RHBG: variants seen among roughly 807,000 people sequenced by gnomAD.
RHBG encodes ammonium transporter Rh type B.
Under a neutral mutation model 40.1 loss-of-function variants are expected in RHBG, and 39 were observed. The observed-to-expected ratio is 0.97, with a 90% CI of 0.75 to 1.27. The LOEUF is 1.27. RHBG is among the 50% of genes most tolerant of loss of function. RHBG has a pLI of 0.00. For synonymous variants in RHBG, 237 were observed against 252.5 expected (o/e 0.94, Z 0.58); for missense variants, 549 against 588.1 (o/e 0.93, Z 0.69).
In RHBG at chr1:156,378,824, C is replaced by T. The variant is rs74116826; in HGVS notation, c.673+425C>T. On this transcript the variant is annotated intron_variant, in intron 4 of 9. Transcript: ENST00000537040. ...GGCAAACAGGCAATCTCTGCCGGCC[C>T]CTGGTGCTGCCTTCCGCCTCCTAAG... Among the ~76,000 whole-genome samples the T allele has an allele frequency of 5.8e-3, 878 of 152,168 alleles. 8 individuals carry two copies. Among genetic ancestry groups the T allele is most frequent in the African/African-American group, 0.02 (844 of 41,478 alleles).
chr1:156,382,097 A>G lies in RHBG; in HGVS notation c.1008A>G (p.Gln336=). The change falls in exon 7 of 10, where the codon CAA becomes CAG. Residue 336 remains glutamine, a synonymous_variant. Coordinates refer to ENST00000537040, the MANE Select transcript of RHBG (RefSeq NM_020407.5). ...TPILESKFKV[Q]DTCGVHNLHG... ...TCCTTGAATCAAAATTCAAAGTCCA[A>G]GACACATGTGGAGTCCACAACCTCC... 6.2e-7 allele frequency: 1 copy of G among 1,612,784 alleles called. No homozygotes were observed. The highest frequency in any genetic ancestry group is 8.5e-7 in the Non-Finnish European group (1 of 1,179,078).
intron 7 of RHBG, 38 bp from the exon 8 acceptor site, chr1:156,382,710 C>T (rs1484997647): frequency 6.2e-7 from 1 of 1,612,644 alleles, no homozygotes; most frequent in Non-Finnish European, 8.5e-7. Flanking sequence ...CCCTCTCTCT[C>T]CCTACCCCTG....
intron 4 of RHBG, among the ~76,000 whole-genome samples, chr1:156,380,112 C>CTTT (rs67037881): frequency 7.7e-5 from 10 of 130,108 alleles, no homozygotes; most frequent in South Asian, 2.5e-4. Context: ...CTTTCTTTTT[C>CTTT]TTTTTTTTTT....
chr1:156,383,068 C>G (rs986468284), intron 8 of RHBG, among the ~76,000 whole-genome samples, 199 bp downstream of exon 8: 1 of 152,212 alleles, frequency 6.6e-6, no homozygotes, highest in African/African-American at 2.4e-5. Flanking sequence ...CCGAGGGCAG[C>G]TGGGGAGTCC....
At chr1:156,371,389 AC>A in intron 1 of RHBG, 1 of 303,648 alleles carries the variant, frequency 3.3e-6, no homozygotes, top group South Asian at 2.6e-5. Flanking sequence ...TGAATTCCTG[AC>A]CTCAGGTGAT....
Position 156,378,101 on chromosome 1 carries a change from G to A in RHBG, c.486G>A (p.Leu162=). The A allele has an allele frequency of 1.3e-6, 2 of 1,591,754 alleles. No individual in the cohort carries two copies. The highest frequency in any genetic ancestry group is 1.7e-6 in the Non-Finnish European group (2 of 1,167,110). ...TCATGGCCCTGCTGGAGGTGGTGCT[G>A]TTTGGCATCAATGAGTTTGTGCTCC... is the stretch of plus-strand genomic sequence containing the variant. The part of the protein sequence containing the change: ...LLLMALLEVV[L]FGINEFVLLH... The change falls in exon 3 of 10, where the codon CTG becomes CTA. Residue 162 remains leucine (L), a synonymous_variant. Transcript: ENST00000537040.
At chr1:156,381,221 A>C (rs568598111) in intron 4 of RHBG, 126 bp from the exon 5 acceptor site, 49 of 998,476 alleles carry the variant, frequency 4.9e-5, no homozygotes, top group Non-Finnish European at 1.8e-5. Context: ...ATTATTATCA[A>C]TCCCACTGAA....
intron 9 of RHBG, 48 bp downstream of exon 9, chr1:156,384,648 C>G (rs1157702846): frequency 6.5e-7 from 1 of 1,549,146 alleles, no homozygotes. Flanking sequence ...CCTTCCCTGC[C>G]TCGCCTCCTG....
At chr1:156,382,658 G>A in intron 7 of RHBG, 90 bp from the exon 8 acceptor site, 1 of 1,506,212 alleles carries the variant, frequency 6.6e-7, no homozygotes, top group South Asian at 1.2e-5. Context: ...GTTCCCCAGT[G>A]TGAGTTCCAG....
chr1:156,381,452 C>T lies in RHBG; in HGVS notation c.779C>T (p.Ala260Val). The change falls in exon 5 of 10, where the codon GCC becomes GTC. Residue 260 changes from alanine to valine, a missense_variant. Around this residue, in one of 3 missense-constraint regions of RHBG, gnomAD observed 399 missense variants for 417.0 expected, o/e 0.96. Transcript: ENST00000537040. The part of the protein sequence containing the change: ...TALNTYYSLA[A>V]STLGTFALSA... ...CTCAACACATACTACTCCCTGGCTGCCAGCACCCTTGGCACCTTTGCCTTG... is the reference window on the plus strand; with the variant it reads ...CTCAACACATACTACTCCCTGGCTGTCAGCACCCTTGGCACCTTTGCCTTG... 6.2e-7 allele frequency: 1 copy of T among 1,614,044 alleles called. No individual in the cohort carries two copies. Among genetic ancestry groups the T allele is most frequent in the Non-Finnish European group, 8.5e-7 (1 of 1,179,956 alleles).
In RHBG at chr1:156,369,265, A is replaced by T; in HGVS notation, c.16A>T (p.Ser6Cys). 1.2e-6 allele frequency: 2 copies of T among 1,613,126 alleles called. No homozygotes were observed. Among genetic ancestry groups the T allele is most frequent in the Non-Finnish European group, 1.7e-6 (2 of 1,179,846 alleles). MAGSP[S>C]RAAGRRLQLP... ...AGCCCAACCCATGGCCGGGTCTCCT[A>T]GCCGCGCCGCGGGCCGGCGACTGCA... The change falls in exon 1 of 10, where the codon AGC becomes TGC. Residue 6 changes from serine (S) to cysteine (C), a missense_variant. Around this residue, in one of 3 missense-constraint regions of RHBG, gnomAD observed 99 missense variants for 85.2 expected, o/e 1.16. Transcript: ENST00000537040.
At chr1:156,371,587 G>A (rs558606224) in intron 1 of RHBG, 1 of 155,640 alleles carries the variant, frequency 6.4e-6, no homozygotes, top group African/African-American at 2.4e-5. Context: ...TTGGACTTGG[G>A]TGTGAAGCAC....
rs769418262 is a variant in RHBG at position 156,378,410 on chromosome 1, C to T, written c.673+11C>T. 7 of 1,583,440 alleles carry T rather than the reference C, an allele frequency of 4.4e-6. No homozygotes were observed. Among genetic ancestry groups the T allele is most frequent in the South Asian group, 3.5e-5 (3 of 85,876 alleles). The stretch of plus-strand genomic sequence containing the variant: ...TCTTCGCCATGATTGGTGAGGCCTT[C>T]GAGGTGCGGTAGCAGGGCAGGGGGC... On this transcript the variant is annotated intron_variant, in intron 4 of 9. Coordinates refer to ENST00000537040, the MANE Select transcript of RHBG (RefSeq NM_020407.5).
chr1:156,374,144 T>G (rs573165380), intron 1 of RHBG, among the ~76,000 whole-genome samples: 6 of 152,290 alleles, frequency 3.9e-5, no homozygotes, highest in Non-Finnish European at 8.8e-5. Flanking sequence ...TAGACTCTTA[T>G]AGGAGCGCGA....
chr1:156,375,476 A>T (rs2101769087), intron 1 of RHBG, among the ~76,000 whole-genome samples: 1 of 152,156 alleles, frequency 6.6e-6, no homozygotes, highest in Admixed American at 6.5e-5. Flanking sequence ...AAAAAGCATA[A>T]AAGCATGCTT....
chr1:156,370,176 C>T (rs538375407), intron 1 of RHBG, among the ~76,000 whole-genome samples: 13 of 151,954 alleles, frequency 8.6e-5, no homozygotes, highest in Non-Finnish European at 1.5e-4. Flanking sequence ...AGGCCGGGCG[C>T]GGTGCCTCAT....
At chr1:156,382,716 C>T in intron 7 of RHBG, 32 bp from the exon 8 acceptor site, 1 of 1,613,254 alleles carries the variant, frequency 6.2e-7, no homozygotes, top group Non-Finnish European at 8.5e-7. Flanking sequence ...CTCTCCCTAC[C>T]CCTGCCTTTC....
chr1:156,377,851 T>C lies in RHBG; in HGVS notation c.375-139T>C. On this transcript the variant is annotated intron_variant, in intron 2 of 9. Transcript: ENST00000537040. This position sits in a 1 kb window ranked among gnomAD's most constrained non-coding sequence, Gnocchi z 4.6. ...ATCCCTTCCAACTCCAGGGAGGAGCTTGAGCTCCTTGTCTTCTCTCCAGAA... is the reference window on the plus strand; with the variant it reads ...ATCCCTTCCAACTCCAGGGAGGAGCCTGAGCTCCTTGTCTTCTCTCCAGAA... 1 of 889,798 alleles carries C rather than the reference T, an allele frequency of 1.1e-6. No individual in the cohort carries two copies. Among genetic ancestry groups the C allele is most frequent in the Non-Finnish European group, 1.7e-6 (1 of 603,024 alleles). The allele number at this position is 889,798 out of a possible 1,614,324, so 55.1% of individuals were successfully genotyped here.
chr1:156,378,455 G>A (rs1434897843), intron 4 of RHBG, 56 bp downstream of exon 4: 1 of 1,519,726 alleles, frequency 6.6e-7, no homozygotes, highest in Non-Finnish European at 8.8e-7. Flanking sequence ...GGCCTCATCT[G>A]GGCCAGAGGT....
Sources: allele counts gnomAD v4.1 joint callset (sites outside exome capture counted in the v4.1 genomes callset), GRCh38; gene constraint gnomAD v4.1.1; regional missense constraint gnomAD v4.1.1; non-coding constraint Gnocchi (gnomAD v3.1); transcripts MANE v1.5; gene names NCBI Gene and HGNC (gene_info 2026-07-23, HGNC 2026-07-21).